Variants in LINGO2 observed in about 807,000 individuals in gnomAD.
LINGO2 encodes the protein leucine rich repeat and Ig domain containing 2, also known as leucine-rich repeat and immunoglobulin-like domain-containing nogo receptor-interacting protein 2.
In LINGO2, 14 loss-of-function variants were observed where a neutral mutation model predicts 30.6. The observed-to-expected ratio is 0.46, with a 90% CI of 0.30 to 0.72. LINGO2 has a LOEUF of 0.72. Ranked by LOEUF, LINGO2 falls within the 30% of genes least tolerant of loss-of-function variation. LINGO2 has a pLI of 0.07. For synonymous variants in LINGO2, 317 were observed against 288.5 expected (o/e 1.10, Z -1.00); for missense variants, 729 against 751.7 (o/e 0.97, Z 0.35).
chr9:28,225,620 G>A (rs1168372336), intron 4 of LINGO2, among the ~76,000 whole-genome samples: 1 of 151,766 alleles, frequency 6.6e-6, no homozygotes, highest in Non-Finnish European at 1.5e-5. Context: ...TAAATATAAT[G>A]AACAAAATAT....
intron 3 of LINGO2, among the ~76,000 whole-genome samples, chr9:28,318,444 T>A (rs768439869): frequency 1.3e-5 from 2 of 152,194 alleles, no homozygotes; most frequent in Admixed American, 1.3e-4. Flanking sequence ...TTCATCTTAG[T>A]AGAACCTCAT....
the LINGO2 span, among the ~76,000 whole-genome samples, chr9:28,951,835 T>G: frequency 1.4e-4 from 21 of 152,214 alleles, no homozygotes; most frequent in Non-Finnish European, 2.5e-4. Context: ...AAATATTTAA[T>G]CCACCCATTA....
chr9:28,416,397 C>A (rs1822969458), intron 2 of LINGO2, among the ~76,000 whole-genome samples: 1 of 152,116 alleles, frequency 6.6e-6, no homozygotes, highest in South Asian at 2.1e-4. Flanking sequence ...CTCACACACA[C>A]AAAACTGATT....
chr9:28,771,364 A>G, the LINGO2 span, among the ~76,000 whole-genome samples: 1 of 152,024 alleles, frequency 6.6e-6, no homozygotes, highest in African/African-American at 2.4e-5. Context: ...TACTATTTCA[A>G]TAAGAAATCT....
intron 1 of LINGO2, among the ~76,000 whole-genome samples, chr9:28,648,073 A>G (rs1372156878): frequency 6.6e-6 from 1 of 151,908 alleles, no homozygotes; most frequent in Non-Finnish European, 1.5e-5. Context: ...AGTATCCTGG[A>G]TTATTCATAA....
chr9:29,065,810 G>C, the LINGO2 span, among the ~76,000 whole-genome samples: 1 of 150,694 alleles, frequency 6.6e-6, no homozygotes, highest in Non-Finnish European at 1.5e-5. Context: ...AGAAAAGACA[G>C]ACAAAAAAAA....
intron 4 of LINGO2, among the ~76,000 whole-genome samples, chr9:28,028,701 A>G (rs1823510469): frequency 6.6e-6 from 1 of 152,162 alleles, no homozygotes; most frequent in Admixed American, 6.6e-5. Flanking sequence ...CATTAAAACA[A>G]TATAAATGCC....
chr9:28,059,335 C>T (rs561633680), intron 4 of LINGO2, among the ~76,000 whole-genome samples: 4 of 152,238 alleles, frequency 2.6e-5, no homozygotes, highest in African/African-American at 9.6e-5. Flanking sequence ...GCCTTCACAA[C>T]CTCCATACAC....
chr9:28,924,296 C>T, the LINGO2 span, among the ~76,000 whole-genome samples: 2 of 152,144 alleles, frequency 1.3e-5, no homozygotes, highest in Non-Finnish European at 2.9e-5. Flanking sequence ...TCTCAGCTCA[C>T]TGTTCAATCT....
chr9:28,025,985 C>CT (rs2119418895), intron 4 of LINGO2, among the ~76,000 whole-genome samples: 1 of 152,336 alleles, frequency 6.6e-6, no homozygotes, highest in East Asian at 1.9e-4. Context: ...ACCAAGGAGG[C>CT]TGCATGATCA....
At chr9:28,518,926 T>G (rs1272406044) in intron 1 of LINGO2, among the ~76,000 whole-genome samples, 2 of 152,184 alleles carry the variant, frequency 1.3e-5, no homozygotes, top group African/African-American at 4.8e-5. Context: ...TTATCTAACT[T>G]GTGTTGTACT....
At chr9:28,442,597 A>T (rs947997192) in intron 2 of LINGO2, among the ~76,000 whole-genome samples, 22 of 152,172 alleles carry the variant, frequency 1.4e-4, no homozygotes, top group Admixed American at 1.2e-3. Flanking sequence ...GGGCCAAAGG[A>T]ACATATACTT....
chr9:28,619,560 T>G (rs1271500424), intron 1 of LINGO2, among the ~76,000 whole-genome samples: 1 of 152,176 alleles, frequency 6.6e-6, no homozygotes, highest in Non-Finnish European at 1.5e-5. Context: ...GTACATTTTC[T>G]CCAAGTGTGT....
intron 3 of LINGO2, among the ~76,000 whole-genome samples, chr9:28,310,523 A>G (rs1587442238): frequency 6.6e-6 from 1 of 152,198 alleles, no homozygotes; most frequent in East Asian, 1.9e-4. Flanking sequence ...AATTATGATT[A>G]CAGAAAGCCA....
At chr9:28,030,429 T>A (rs1823610124) in intron 4 of LINGO2, among the ~76,000 whole-genome samples, 1 of 152,192 alleles carries the variant, frequency 6.6e-6, no homozygotes, top group Non-Finnish European at 1.5e-5. Context: ...TCAGAAGAAG[T>A]CTTACAAAAT....
chr9:28,859,339 C>T, the LINGO2 span, among the ~76,000 whole-genome samples: 2 of 151,924 alleles, frequency 1.3e-5, no homozygotes, highest in African/African-American at 4.8e-5. Context: ...CTTAAGTATA[C>T]CCACATGAAA....
chr9:28,324,511 T>C (rs988405565), intron 3 of LINGO2, among the ~76,000 whole-genome samples: 14 of 152,144 alleles, frequency 9.2e-5, no homozygotes, highest in African/African-American at 2.9e-4. Context: ...ACCTTGCTGA[T>C]AAAATAGCCT....
In LINGO2 at chr9:28,078,120, C is replaced by A. The variant is rs1030912780; in HGVS notation, c.-86-65715G>T. Among the ~76,000 whole-genome samples, 7 of 149,104 alleles carry A rather than the reference C, an allele frequency of 4.7e-5. 2 individuals carry two copies. The highest frequency in any genetic ancestry group is 1.8e-4 in the African/African-American group (7 of 38,514). On this transcript the variant is annotated intron_variant, in intron 4 of 5. Coordinates refer to ENST00000379992, the Ensembl canonical transcript of LINGO2. ...ATGTATTGACAGAGAAAAACATAAC[C>A]CTTTTACTCCTATTTATATTCCATC...
chr9:28,762,438 T>C, the LINGO2 span, among the ~76,000 whole-genome samples: 1 of 152,038 alleles, frequency 6.6e-6, no homozygotes, highest in Non-Finnish European at 1.5e-5. Flanking sequence ...AAGGACAACC[T>C]AAGTACCTGA....
Sources: gnomAD v4.1 joint callset for allele counts (sites outside exome capture counted in the v4.1 genomes callset) on GRCh38, gnomAD v4.1.1 for gene constraint, MANE v1.5 for transcripts, NCBI Gene and HGNC (gene_info 2026-07-23, HGNC 2026-07-21) for gene names.